POLE2: variants seen among roughly 807,000 people sequenced by gnomAD.
POLE2 encodes DNA polymerase epsilon subunit 2.
In POLE2, 56 loss-of-function variants were observed where a neutral mutation model predicts 79.4. That is an observed-to-expected ratio of 0.71 (90% CI 0.57 to 0.88). The LOEUF is 0.88. POLE2 is among the 40% of genes least tolerant of loss of function. The pLI is 0.00. For missense variants in POLE2, 598 were observed against 638.9 expected (o/e 0.94, Z 0.69); for synonymous variants, 212 against 214.0 (o/e 0.99, Z 0.08).
chr14:49,673,273 CA>C (rs1459076875), intron 5 of POLE2, among the ~76,000 whole-genome samples: 1 of 152,170 alleles, frequency 6.6e-6, no homozygotes, highest in Non-Finnish European at 1.5e-5. Flanking sequence ...GTGGAGGAAG[CA>C]CTCAAAAAAC....
At chr14:49,657,868 G>A (rs1160099263) in intron 10 of POLE2, among the ~76,000 whole-genome samples, 2 of 152,146 alleles carry the variant, frequency 1.3e-5, no homozygotes, top group African/African-American at 2.4e-5. Flanking sequence ...ATAGTCTTAA[G>A]TCCTAAAACC....
chr14:49,659,476 A>G (rs2139636551), intron 10 of POLE2, among the ~76,000 whole-genome samples: 3 of 152,330 alleles, frequency 2.0e-5, no homozygotes, highest in Middle Eastern at 6.8e-3. Context: ...GTGCAGCTGT[A>G]GAATGTGTTT....
intron 1 of POLE2, 109 bp downstream of exon 1, chr14:49,688,027 A>G: frequency 2.3e-6 from 2 of 886,312 alleles, no homozygotes; most frequent in African/African-American, 1.7e-5. Context: ...TTTAAGGTCA[A>G]GCCCCCTCTC....
chr14:49,655,194 T>G, intron 11 of POLE2, 100 bp from the exon 12 acceptor site: 1 of 385,824 alleles, frequency 2.6e-6, no homozygotes, highest in Non-Finnish European at 4.5e-6. Flanking sequence ...TTTATTTTAA[T>G]TAAAATAACA....
chr14:49,679,617 G>A, intron 3 of POLE2, 108 bp downstream of exon 3: 2 of 607,782 alleles, frequency 3.3e-6, no homozygotes, highest in South Asian at 2.1e-5. Flanking sequence ...AATAACAACA[G>A]TAATCACTGT....
At position 49,674,395 on chromosome 14, in the gene POLE2, T is replaced by C. The variant is rs1886107983; in HGVS notation, c.278A>G (p.Asp93Gly). 2 of 1,611,206 alleles carry C rather than the reference T, an allele frequency of 1.2e-6. No individual in the cohort carries two copies. The highest frequency in any genetic ancestry group is 1.7e-6 in the Non-Finnish European group (2 of 1,177,608). ...TGAATTGTACACAAAGCGTGGAATA[T>C]CAAATGCTCCTATGATATTGAAAAC... The part of the protein sequence containing the change: ...EHVFNIIGAF[D>G]IPRFVYNSER... Residue 93 changes from aspartate (D) to glycine (G), a missense_variant, in exon 4 of 19, where the codon GAT becomes GGT. Physicochemically the swap from Asp to Gly is moderately conservative, Grantham distance 94 (BLOSUM62 -1). Transcript: ENST00000216367.
intron 3 of POLE2, chr14:49,677,665 T>G: frequency 1.2e-6 from 1 of 863,074 alleles, no homozygotes; most frequent in Admixed American, 2.4e-5. Flanking sequence ...CCACAATGTT[T>G]GGGGAAGGCC....
intron 10 of POLE2, among the ~76,000 whole-genome samples, chr14:49,658,017 G>C (rs903040159): frequency 1.6e-4 from 24 of 151,884 alleles, no homozygotes; most frequent in African/African-American, 5.3e-4. Context: ...ACTGGCCCCA[G>C]GGCCAGAGCT....
rs768342315 is a variant in POLE2, at chr14:49,663,357, T to C, written c.713A>G (p.Asn238Ser). ...GWFEDQVFHV[N>S]AFGFPPTEPS... ...CTCAGTGGGTGGAAATCCAAAGGCA[T>C]TGACATGAAACACTTGATCTTCAAA... Residue 238 changes from asparagine to serine, a missense_variant, in exon 10 of 19, where the codon AAT becomes AGT. By Grantham distance (46) the Asn-to-Ser change is conservative. Transcript: ENST00000216367. 2.3e-5 allele frequency: 37 copies of C among 1,611,114 alleles called. 1 individual carries two copies. The highest frequency in any genetic ancestry group is 1.4e-4 in the South Asian group (13 of 90,642).
chr14:49,668,981 T>C (rs1885685211), intron 6 of POLE2, among the ~76,000 whole-genome samples: 1 of 152,162 alleles, frequency 6.6e-6, no homozygotes, highest in South Asian at 2.1e-4. Context: ...TTTTTATTGT[T>C]TATAAAGATG....
chr14:49,682,635 T>C lies in POLE2; in HGVS notation c.169+958A>G, dbSNP rs1328046555. Among the ~76,000 whole-genome samples, 4 of 99,536 alleles carry C rather than the reference T, an allele frequency of 4.0e-5. No individual in the cohort carries two copies. The East Asian group carries it at 8.4e-4, about 21-fold the overall frequency. The allele number at this position is 99,536 out of a possible 152,430, so 65.3% of individuals were successfully genotyped here. On this transcript the variant is annotated intron_variant, in intron 2 of 18. Coordinates refer to ENST00000216367, the MANE Select transcript of POLE2 (RefSeq NM_002692.4). ...CTGGGCGACAGTGCAAGACTCCTTC[T>C]CAGGGAAAAAAAAAAAAAAAAAAAA...
At chr14:49,671,248 C>T (rs1885866646) in intron 5 of POLE2, among the ~76,000 whole-genome samples, 2 of 152,158 alleles carry the variant, frequency 1.3e-5, no homozygotes, top group South Asian at 4.1e-4. Context: ...AGGAGATAAA[C>T]AACGAATCCA....
At chr14:49,644,052 G>C (rs1298598115) in intron 18 of POLE2, among the ~76,000 whole-genome samples, 4 of 149,932 alleles carry the variant, frequency 2.7e-5, no homozygotes, top group Non-Finnish European at 5.9e-5. Flanking sequence ...GCTAATTTTT[G>C]TATTTTTAGT....
chr14:49,680,509 T>A (rs1886626714), intron 2 of POLE2, among the ~76,000 whole-genome samples: 1 of 152,220 alleles, frequency 6.6e-6, no homozygotes, highest in Non-Finnish European at 1.5e-5. Context: ...TCCTCAGTAC[T>A]TTATTTACAA....
chr14:49,661,912 G>A (rs914038678), intron 10 of POLE2, among the ~76,000 whole-genome samples: 1 of 152,098 alleles, frequency 6.6e-6, no homozygotes, highest in African/African-American at 2.4e-5. Flanking sequence ...AAAATTATTT[G>A]AAACATTATA....
intron 16 of POLE2, 35 bp downstream of exon 16, chr14:49,651,234 G>T: frequency 1.1e-6 from 1 of 908,478 alleles, no homozygotes; most frequent in Non-Finnish European, 1.8e-6. Context: ...AATGCAACAT[G>T]TAAGGCAGTT....
intron 10 of POLE2, among the ~76,000 whole-genome samples, chr14:49,656,911 C>T (rs1272656131): frequency 6.6e-6 from 1 of 152,016 alleles, no homozygotes; most frequent in African/African-American, 2.4e-5. Flanking sequence ...GAGTTCAAAA[C>T]CAGCCTGACC....
chr14:49,679,928 G>A (rs1594615259), intron 2 of POLE2, 128 bp from the exon 3 acceptor site: 2 of 600,634 alleles, frequency 3.3e-6, no homozygotes, highest in Non-Finnish European at 6.0e-6. Flanking sequence ...AGTTTTTGGA[G>A]AAAAAAAGTG....
rs1162033821 is a variant in POLE2 at position 49,646,302 on chromosome 14, G to GTTTTTTTTTTTTT, written c.1565+978_1565+990dup. 4.5e-4 allele frequency among the ~76,000 whole-genome samples: 38 copies of GTTTTTTTTTTTTT among 84,564 alleles called. 3 individuals carry two copies. Among genetic ancestry groups the GTTTTTTTTTTTTT allele is most frequent in the South Asian group, 2.1e-3 (4 of 1,922 alleles). 55.5% of individuals were successfully genotyped at this position (84,564 alleles called of 152,430 possible). On this transcript the variant is annotated intron_variant, in intron 18 of 18. Transcript: ENST00000216367. The stretch of plus-strand genomic sequence containing the variant: ...GATTTGGTCAGTTGTTTTTTTGTTG[G>GTTTTTTTTTTTTT]TTTTTTTTTTTTTTTTTTTTTTTTT...
Sources: gnomAD v4.1 joint callset for allele counts (sites outside exome capture counted in the v4.1 genomes callset) on GRCh38, gnomAD v4.1.1 for gene constraint, MANE v1.5 for transcripts, NCBI Gene and HGNC (gene_info 2026-07-23, HGNC 2026-07-21) for gene names.